WWOX: variants seen among roughly 807,000 people sequenced by gnomAD.
WWOX encodes WW domain-containing oxidoreductase.
A neutral mutation model predicts 46.2 loss-of-function variants in WWOX; 69 were observed. That is an observed-to-expected ratio of 1.49 (90% CI 1.23 to 1.82). WWOX has a LOEUF of 1.82. Ranked by LOEUF, WWOX falls within the 40% of genes most tolerant of loss-of-function variation. WWOX has a pLI of 0.00. For synonymous variants in WWOX, 359 were observed against 202.6 expected (o/e 1.77, Z -6.56); for missense variants, 919 against 542.6 (o/e 1.69, Z -6.89).
intron 8 of WWOX, among the ~76,000 whole-genome samples, chr16:78,858,955 A>G (rs2052636218): frequency 7.0e-6 from 1 of 143,142 alleles, no homozygotes. Flanking sequence ...CTGGGATTAC[A>G]GGTGTGAGCC....
chr16:78,627,466 C>G (rs1157180504), intron 8 of WWOX, among the ~76,000 whole-genome samples: 1 of 152,202 alleles, frequency 6.6e-6, no homozygotes, highest in Non-Finnish European at 1.5e-5. Flanking sequence ...CTCTTCCAAT[C>G]TTGACATTCT....
At chr16:78,511,931 T>C (rs1359349559) in intron 8 of WWOX, among the ~76,000 whole-genome samples, 4 of 152,240 alleles carry the variant, frequency 2.6e-5, no homozygotes. Flanking sequence ...TACTTCTGTT[T>C]ACACATTCTT....
intron 8 of WWOX, among the ~76,000 whole-genome samples, chr16:78,845,420 C>T (rs1031536025): frequency 7.9e-5 from 12 of 152,108 alleles, no homozygotes; most frequent in Admixed American, 4.6e-4. Context: ...TTTTTAGGAG[C>T]GGCCTGGAAA....
In WWOX at chr16:79,028,234, C is replaced by A. The variant is rs143962746; in HGVS notation, c.1057-183374C>A. On this transcript the variant is annotated intron_variant, in intron 8 of 8. Coordinates refer to ENST00000566780, the MANE Select transcript of WWOX (RefSeq NM_016373.4). Reference sequence around the variant, plus strand: ...AAAGTGCTGGGATTACAGGCGTGAGCCACCACGCCCGACTGCTTTATTTTC... The same window carrying A: ...AAAGTGCTGGGATTACAGGCGTGAGACACCACGCCCGACTGCTTTATTTTC... Among the ~76,000 whole-genome samples the A allele has an allele frequency of 4.8e-3, 728 of 151,930 alleles. 38 individuals are homozygous for A. The highest frequency in any genetic ancestry group is 0.017 in the African/African-American group (693 of 41,196).
chr16:78,316,560 C>A (rs1344847021), intron 5 of WWOX, among the ~76,000 whole-genome samples: 1 of 152,108 alleles, frequency 6.6e-6, no homozygotes, highest in Non-Finnish European at 1.5e-5. Flanking sequence ...CCAGGCTGTT[C>A]TAAAACTCCT....
chr16:78,480,580 T>G (rs1567597736), intron 8 of WWOX, among the ~76,000 whole-genome samples: 1 of 152,228 alleles, frequency 6.6e-6, no homozygotes, highest in Non-Finnish European at 1.5e-5. Context: ...AGTAGCCACT[T>G]TCAGGGTCCC....
At chr16:79,027,572 C>CT (rs1190481325) in intron 8 of WWOX, among the ~76,000 whole-genome samples, 1 of 151,734 alleles carries the variant, frequency 6.6e-6, no homozygotes, top group African/African-American at 2.4e-5. Flanking sequence ...ATCAGCCTGT[C>CT]ATTTGGACCT....
At chr16:78,548,913 G>A (rs2044112263) in intron 8 of WWOX, among the ~76,000 whole-genome samples, 1 of 152,064 alleles carries the variant, frequency 6.6e-6, no homozygotes, top group Admixed American at 6.6e-5. Flanking sequence ...TGTAAAGAAG[G>A]TTTCTATCTT....
rs531031408 is a variant in WWOX, at chr16:78,115,243, C to G, written c.409+89C>G. 4.1e-6 allele frequency: 6 copies of G among 1,480,268 alleles called. No individual in the cohort carries two copies. The East Asian group carries it at 1.4e-4, about 34-fold the overall frequency. The allele number at this position is 1,480,268 out of a possible 1,614,324, so 91.7% of individuals were successfully genotyped here. ...TATAATGGAATTTTGTTTAGTGGTT[C>G]TCTGATTTAAACATGACTTTTATCC... On this transcript the variant is annotated intron_variant, in intron 4 of 8. Transcript: ENST00000566780.
chr16:78,815,308 G>A (rs1050049136), intron 8 of WWOX, among the ~76,000 whole-genome samples: 1 of 149,902 alleles, frequency 6.7e-6, no homozygotes, highest in African/African-American at 2.5e-5. Context: ...CTGGCTGAGA[G>A]AATGAAACTC....
At chr16:78,910,839 A>G (rs1419760531) in intron 8 of WWOX, among the ~76,000 whole-genome samples, 3 of 151,956 alleles carry the variant, frequency 2.0e-5, no homozygotes, top group Admixed American at 6.6e-5. Flanking sequence ...TGACGTGGGA[A>G]TTATGGGAGC....
intron 8 of WWOX, among the ~76,000 whole-genome samples, chr16:78,596,227 A>T (rs1442699441): frequency 1.3e-5 from 2 of 152,192 alleles, no homozygotes; most frequent in Non-Finnish European, 2.9e-5. Context: ...GTATGGTTGG[A>T]TACTTTGGGT....
chr16:78,120,563 C>T (rs1025616731), intron 4 of WWOX, among the ~76,000 whole-genome samples: 5 of 143,922 alleles, frequency 3.5e-5, no homozygotes, highest in African/African-American at 1.0e-4. Flanking sequence ...GGCGACAGAG[C>T]GAGACTCCGT....
intron 8 of WWOX, among the ~76,000 whole-genome samples, chr16:78,436,179 G>A (rs551110740): frequency 6.6e-6 from 1 of 152,146 alleles, no homozygotes; most frequent in East Asian, 1.9e-4. Context: ...CCTTGGTCCC[G>A]ATGATGATTC....
At chr16:78,590,525 C>T (rs1307688752) in intron 8 of WWOX, among the ~76,000 whole-genome samples, 2 of 152,196 alleles carry the variant, frequency 1.3e-5, no homozygotes, top group South Asian at 4.1e-4. Flanking sequence ...GCAGATTAGA[C>T]AAGAAACATT....
At chr16:79,012,004 C>G (rs538948366) in intron 8 of WWOX, among the ~76,000 whole-genome samples, 76 of 152,210 alleles carry the variant, frequency 5.0e-4, no homozygotes, top group Non-Finnish European at 9.0e-4. Context: ...TGTTTTGTCC[C>G]TCACTTCTGA....
chr16:79,206,875 A>G (rs1299516048), intron 8 of WWOX: 1 of 152,168 alleles, frequency 6.6e-6, no homozygotes, highest in Non-Finnish European at 1.5e-5. Context: ...ATTTGTGGCA[A>G]ATGTGTCCCC....
At chr16:79,188,003 A>G (rs139376307) in intron 8 of WWOX, among the ~76,000 whole-genome samples, 73 of 152,322 alleles carry the variant, frequency 4.8e-4, no homozygotes, top group African/African-American at 1.7e-3. Context: ...ACGGGGAGTC[A>G]AGCTGTGCTC....
At chr16:79,204,821 C>G (rs1024232617) in intron 8 of WWOX, 2 of 152,204 alleles carry the variant, frequency 1.3e-5, no homozygotes, top group Non-Finnish European at 2.9e-5. Flanking sequence ...AGAATTCTTT[C>G]CAGCTTTCCA....
Sources: allele counts gnomAD v4.1 joint callset (sites outside exome capture counted in the v4.1 genomes callset), GRCh38; gene constraint gnomAD v4.1.1; transcripts MANE v1.5; gene names NCBI Gene and HGNC (gene_info 2026-07-23, HGNC 2026-07-21).